DNAH9: variants seen among roughly 807,000 people sequenced by gnomAD.
The protein encoded by DNAH9 is DNAH9 variant protein.
In DNAH9, 345 loss-of-function variants were observed where a neutral mutation model predicts 471.6. That is an observed-to-expected ratio of 0.73 (90% CI 0.67 to 0.80). The LOEUF (loss-of-function observed/expected upper bound fraction) is 0.80. DNAH9 is among the 30% of genes least tolerant of loss of function. The pLI is 0.00. For synonymous variants in DNAH9, 2,093 were observed against 2,123.6 expected, an observed-to-expected ratio of 0.99 and a Z score of 0.40; for missense variants, 5,407 against 5,609.2, an observed-to-expected ratio of 0.96 and a Z score of 1.15.
At chr17:11,861,962 T>G (rs1434168713) in intron 50 of DNAH9, among the ~76,000 whole-genome samples, 2 of 151,760 alleles carry the variant, frequency 1.3e-5, no homozygotes, top group South Asian at 2.1e-4. Context: ...TTTCTCCCAT[T>G]TTGTGGTTTG....
chr17:11,766,360 T>C (rs1233203372), intron 36 of DNAH9, among the ~76,000 whole-genome samples: 1 of 150,634 alleles, frequency 6.6e-6, no homozygotes, highest in Non-Finnish European at 1.5e-5. Context: ...GAGAACAATC[T>C]CTCGGAAACG....
chr17:11,807,930 C>T, intron 44 of DNAH9, 36 bp downstream of exon 44: 1 of 1,571,214 alleles, frequency 6.4e-7, no homozygotes, highest in Non-Finnish European at 8.7e-7. Flanking sequence ...GGAGGCTCAG[C>T]TTCCCTCCAA....
chr17:11,917,766 G>A (rs952558005), intron 61 of DNAH9, among the ~76,000 whole-genome samples: 1 of 152,176 alleles, frequency 6.6e-6, no homozygotes. Context: ...GTTACGATGA[G>A]GATGGTGCAT....
intron 49 of DNAH9, among the ~76,000 whole-genome samples, chr17:11,841,486 C>T (rs899498620): frequency 5.3e-5 from 8 of 152,174 alleles, no homozygotes; most frequent in Non-Finnish European, 1.0e-4. Context: ...GGAACAGTCA[C>T]TTATGCGTCC....
chr17:11,733,096 G>A (rs995944466), intron 28 of DNAH9, among the ~76,000 whole-genome samples: 12 of 152,238 alleles, frequency 7.9e-5, no homozygotes, highest in African/African-American at 2.4e-4. Flanking sequence ...TGCATTTCCC[G>A]AAGGCAACAG....
chr17:11,795,371 A>G (rs182772362), intron 42 of DNAH9, among the ~76,000 whole-genome samples: 288 of 152,272 alleles, frequency 1.9e-3, no homozygotes, highest in African/African-American at 6.6e-3. Flanking sequence ...CCCTCTGGAA[A>G]TTAGAAATAT....
chr17:11,956,173 T>G (rs968746951), intron 67 of DNAH9, among the ~76,000 whole-genome samples: 1 of 152,052 alleles, frequency 6.6e-6, no homozygotes, highest in South Asian at 2.1e-4. Flanking sequence ...ATAAAAACAC[T>G]AATCAAAAGA....
intron 59 of DNAH9, among the ~76,000 whole-genome samples, chr17:11,896,620 A>C (rs989015513): frequency 1.3e-5 from 2 of 152,224 alleles, no homozygotes; most frequent in African/African-American, 4.8e-5. Context: ...ACAAAGTTAC[A>C]AAATGCCTAA....
chr17:11,863,199 A>G (rs1971922667), intron 50 of DNAH9, among the ~76,000 whole-genome samples: 2 of 152,298 alleles, frequency 1.3e-5, no homozygotes, highest in African/African-American at 4.8e-5. Flanking sequence ...CGTCCCATCA[A>G]TACCTAATTT....
intron 20 of DNAH9, among the ~76,000 whole-genome samples, chr17:11,693,236 CCTTTT>C (rs1480446696): frequency 2.3e-5 from 3 of 133,244 alleles, no homozygotes; most frequent in Non-Finnish European, 4.7e-5. Flanking sequence ...TTTAAAATGC[CCTTTT>C]TTTTTTTTTT....
intron 49 of DNAH9, among the ~76,000 whole-genome samples, chr17:11,841,398 G>A (rs947022293): frequency 6.6e-6 from 1 of 152,150 alleles, no homozygotes; most frequent in African/African-American, 2.4e-5. Context: ...TTTTTAAAGC[G>A]TGTGGGTAAG....
chr17:11,902,858 A>G lies in DNAH9; in HGVS notation c.11546A>G (p.Gln3849Arg). The change falls in exon 60 of 69, where the codon CAG (glutamine) becomes CGG (arginine). Residue 3849 changes from glutamine (Q) to arginine (R), a missense_variant. Physicochemically the swap from Gln to Arg is conservative, Grantham distance 43. Coordinates refer to ENST00000262442, the MANE Select transcript of DNAH9 (RefSeq NM_001372.4). ...GAGTGGAAGAACAAGACAGCCCTGC[A>G]GCGCCTCTGCATGCTGAGAGCCATG... ...PQEWKNKTALQRLCMLRAMRP... is the reference protein window; with the variant it reads ...PQEWKNKTALRRLCMLRAMRP... 2 of 1,613,970 alleles carry G rather than the reference A, an allele frequency of 1.2e-6. No homozygotes were observed. Among genetic ancestry groups the G allele is most frequent in the Non-Finnish European group, 8.5e-7 (1 of 1,179,866 alleles).
chr17:11,968,293 T>C (rs1200520016), intron 68 of DNAH9, among the ~76,000 whole-genome samples: 1 of 152,214 alleles, frequency 6.6e-6, no homozygotes, highest in African/African-American at 2.4e-5. Context: ...ACCTTAATTC[T>C]GTTACTCACC....
At chr17:11,838,851 T>G (rs181711573) in intron 49 of DNAH9, among the ~76,000 whole-genome samples, 1 of 152,326 alleles carries the variant, frequency 6.6e-6, no homozygotes, top group East Asian at 1.9e-4. Flanking sequence ...CTCGACTGTC[T>G]TTAAACCCTT....
At chr17:11,661,211 A>AT (rs890050929) in intron 14 of DNAH9, among the ~76,000 whole-genome samples, 37 of 151,252 alleles carry the variant, frequency 2.4e-4, no homozygotes, top group African/African-American at 8.8e-4. Flanking sequence ...TTTGAAATCT[A>AT]TTTTTTTCTG....
At position 11,797,786 on chromosome 17, in the gene DNAH9, C is replaced by T. The variant is rs774904058; in HGVS notation, c.8413C>T (p.Arg2805Cys). ...MDLVLFEDAMRHVCHINRILE... is the reference protein window; with the variant it reads ...MDLVLFEDAMCHVCHINRILE... ...CCTAGTTCTCTTTGAGGATGCCATG[C>T]GCCATGTGTAAGTGTGCTTCTCCTC... The change falls in exon 43 of 69, where the codon CGC becomes TGC. Residue 2805 changes from arginine to cysteine, a missense_variant. Arg to Cys is a radical substitution (Grantham distance 180, BLOSUM62 -3). Coordinates refer to ENST00000262442, the MANE Select transcript of DNAH9 (RefSeq NM_001372.4). 136 of 1,613,232 alleles carry T rather than the reference C, an allele frequency of 8.4e-5. No individual in the cohort carries two copies. Among genetic ancestry groups the T allele is most frequent in the Non-Finnish European group, 1.0e-4 (120 of 1,179,650 alleles).
At chr17:11,861,391 A>G (rs1567856035) in intron 50 of DNAH9, among the ~76,000 whole-genome samples, 2 of 151,226 alleles carry the variant, frequency 1.3e-5, no homozygotes. Context: ...TCCATGGTGT[A>G]TATGTGCCAC....
rs748171441 is a variant in DNAH9, at chr17:11,699,762, A to G, written c.4904A>G (p.Asn1635Ser). The stretch of plus-strand genomic sequence containing the variant: ...CGTCACCTTTCCAAACTCTTTGACA[A>G]CATGGCCAAGATGCGATTCCAGCTA... Reference protein sequence around the residue: ...VQRHLSKLFDNMAKMRFQLDA... With the variant: ...VQRHLSKLFDSMAKMRFQLDA... Residue 1635 changes from asparagine to serine, a missense_variant, in exon 23 of 69, where the codon AAC becomes AGC. Physicochemically the swap from Asn to Ser is conservative, Grantham distance 46. Transcript: ENST00000262442. 2.5e-6 allele frequency: 4 copies of G among 1,614,168 alleles called. No homozygotes were observed. In the Admixed American group the frequency reaches 6.7e-5, roughly 27 times the overall value.
At chr17:11,797,132 A>C (rs1165742154) in intron 42 of DNAH9, among the ~76,000 whole-genome samples, 1 of 152,204 alleles carries the variant, frequency 6.6e-6, no homozygotes, top group Non-Finnish European at 1.5e-5. Context: ...CAGGGCTGGC[A>C]ACATACTTGT....
Sources: allele counts gnomAD v4.1 joint callset (sites outside exome capture counted in the v4.1 genomes callset), GRCh38; gene constraint gnomAD v4.1.1; transcripts MANE v1.5; gene names NCBI Gene and HGNC (gene_info 2026-07-23, HGNC 2026-07-21).